Variants in GPM6B observed in about 807,000 individuals in gnomAD.
GPM6B encodes the protein glycoprotein M6B.
A neutral mutation model predicts 27.2 loss-of-function variants in GPM6B; 4 were observed. The observed-to-expected ratio is 0.15, with a 90% CI of 0.07 to 0.34. The LOEUF (loss-of-function observed/expected upper bound fraction) is 0.34. GPM6B is among the 10% of genes least tolerant of loss of function. The pLI, the probability that GPM6B is intolerant of heterozygous loss-of-function variation, is 1.00. For missense variants in GPM6B, 183 were observed against 261.9 expected (o/e 0.70, Z 2.08); for synonymous variants, 124 against 103.1 (o/e 1.20, Z -1.23).
At chrX:13,815,296 C>T (rs947532974) in intron 1 of GPM6B, among the ~76,000 whole-genome samples, 19 of 111,816 alleles carry the variant, frequency 1.7e-4, no homozygotes, top group Non-Finnish European at 2.6e-4. Flanking sequence ...AGGATAAAAT[C>T]GTGATAGGCT....
intron 1 of GPM6B, among the ~76,000 whole-genome samples, chrX:13,861,826 C>T (rs963808127): frequency 8.9e-6 from 1 of 112,031 alleles, no homozygotes; most frequent in Non-Finnish European, 1.9e-5. Flanking sequence ...AATCCCCTAA[C>T]ATGGATTTCC....
chrX:13,929,492 C>T (rs1316400974), intron 1 of GPM6B, among the ~76,000 whole-genome samples: 1 of 110,889 alleles, frequency 9.0e-6, no homozygotes, highest in Non-Finnish European at 1.9e-5. Flanking sequence ...GAAAGAAAAA[C>T]CTTTTAGACA....
intron 1 of GPM6B, among the ~76,000 whole-genome samples, chrX:13,857,811 C>A (rs1279226424): frequency 1.8e-5 from 2 of 112,718 alleles, no homozygotes; most frequent in South Asian, 3.7e-4. Context: ...CAACAAGATA[C>A]AAAATTCCTG....
chrX:13,887,942 C>T (rs925828331), intron 1 of GPM6B, among the ~76,000 whole-genome samples: 2 of 111,449 alleles, frequency 1.8e-5, no homozygotes, highest in African/African-American at 3.3e-5. Flanking sequence ...GGCTCTTCTC[C>T]ACCCCTCCTG....
intron 1 of GPM6B, among the ~76,000 whole-genome samples, chrX:13,852,773 CTTT>C (rs386416656): frequency 1.1e-5 from 1 of 89,016 alleles, no homozygotes; most frequent in Non-Finnish European, 2.2e-5. Flanking sequence ...ACAACAAAAA[CTTT>C]TTTTTTTTTT....
chrX:13,797,248 AG>A (rs1188835189), intron 2 of GPM6B, among the ~76,000 whole-genome samples: 1 of 110,781 alleles, frequency 9.0e-6, no homozygotes, highest in Non-Finnish European at 1.9e-5. Context: ...GGGTGGGGTG[AG>A]GGGGGCGGTA....
rs73633581 is a variant in GPM6B, at chrX:13,860,405, G to A, written c.-197-74597C>T. Among the ~76,000 whole-genome samples the A allele has an allele frequency of 0.021, 2,292 of 107,550 alleles. 63 individuals carry two copies. The South Asian group carries it at 0.23, about 11-fold the overall frequency. 93.4% of individuals were successfully genotyped at this position (107,550 alleles called of 115,157 possible). On this transcript the variant is annotated intron_variant, in intron 1 of 6. Coordinates refer to the GPM6B transcript ENST00000398361. The stretch of plus-strand genomic sequence containing the variant: ...TGGCTCCCATGAGGAGCCCAATCAA[G>A]GCAAAGCAGTCACTACAATCCCAAA...
At chrX:13,865,541 T>TAAAAAAA (rs1569271152) in intron 1 of GPM6B, among the ~76,000 whole-genome samples, 2 of 3,111 alleles carry the variant, frequency 6.4e-4, no homozygotes, top group African/African-American at 1.4e-3. Context: ...ATCCATCTCT[T>TAAAAAAA]CAAAAAAAAA....
chrX:13,906,220 C>T (rs1036048206), intron 1 of GPM6B, among the ~76,000 whole-genome samples: 4 of 112,380 alleles, frequency 3.6e-5, no homozygotes, highest in Non-Finnish European at 7.5e-5. Context: ...TGCACCTCCT[C>T]CCACTTCCCC....
chrX:13,903,001 C>T (rs764964793), intron 1 of GPM6B, among the ~76,000 whole-genome samples: 5 of 112,364 alleles, frequency 4.4e-5, no homozygotes, highest in Non-Finnish European at 9.4e-5. Context: ...GGGCTGGACC[C>T]TGGGTCCTAG....
At chrX:13,822,390 G>C (rs1603049562) in intron 1 of GPM6B, among the ~76,000 whole-genome samples, 1 of 109,544 alleles carries the variant, frequency 9.1e-6, no homozygotes, top group East Asian at 2.8e-4. Context: ...TTCTGAGACG[G>C]AGTCTCGCGC....
At chrX:13,789,591 C>T (rs1346850647) in intron 2 of GPM6B, among the ~76,000 whole-genome samples, 13 of 110,679 alleles carry the variant, frequency 1.2e-4, no homozygotes, top group East Asian at 5.7e-4. Flanking sequence ...CTGGCTAACA[C>T]GGTGAAACCC....
chrX:13,921,806 T>A (rs1920980699), intron 1 of GPM6B, among the ~76,000 whole-genome samples: 1 of 111,512 alleles, frequency 9.0e-6, no homozygotes, highest in Admixed American at 9.5e-5. Flanking sequence ...CTCAAACTCC[T>A]GACCTCGTGA....
At chrX:13,884,513 G>A (rs755094168) in intron 1 of GPM6B, among the ~76,000 whole-genome samples, 1 of 112,220 alleles carries the variant, frequency 8.9e-6, no homozygotes, top group Non-Finnish European at 1.9e-5. Context: ...TTCAAGAGTA[G>A]TGAATGGGGT....
At chrX:13,810,744 T>TA (rs747466374) in intron 1 of GPM6B, among the ~76,000 whole-genome samples, 1,535 of 80,624 alleles carry the variant, frequency 0.019, 9 homozygotes, top group Admixed American at 0.028. Flanking sequence ...ATTCAGGATT[T>TA]AAAAAAAAAA....
chrX:13,874,291 C>A (rs2050009664), intron 1 of GPM6B, among the ~76,000 whole-genome samples: 1 of 111,623 alleles, frequency 9.0e-6, no homozygotes, highest in Non-Finnish European at 1.9e-5. Context: ...ATTAACACAG[C>A]AAATGGCATA....
At chrX:13,874,437 C>G (rs954638785) in intron 1 of GPM6B, among the ~76,000 whole-genome samples, 2 of 110,014 alleles carry the variant, frequency 1.8e-5, no homozygotes, top group East Asian at 5.7e-4. Flanking sequence ...GTGGCCCACG[C>G]CTATAATCTC....
intron 1 of GPM6B, among the ~76,000 whole-genome samples, chrX:13,839,455 A>G (rs1185684897): frequency 8.9e-6 from 1 of 111,858 alleles, no homozygotes; most frequent in Non-Finnish European, 1.9e-5. Context: ...GGTCACTCAT[A>G]TTTGGCTCCG....
At chrX:13,847,846 T>C (rs1326472851) in intron 1 of GPM6B, among the ~76,000 whole-genome samples, 1 of 112,004 alleles carries the variant, frequency 8.9e-6, no homozygotes, top group African/African-American at 3.2e-5. Flanking sequence ...TGTGCAAAGA[T>C]CCTAAGGTTG....
Sources: gnomAD v4.1 joint callset for allele counts (sites outside exome capture counted in the v4.1 genomes callset) on GRCh38, gnomAD v4.1.1 for gene constraint, MANE v1.5 for transcripts, NCBI Gene and HGNC (gene_info 2026-07-23, HGNC 2026-07-21) for gene names.